The following MTO1 variants were observed in gnomAD, a reference collection of about 807,000 sequenced individuals.
MTO1 encodes the protein mitochondrial tRNA translation optimization 1, also known as 5-taurinomethyluridine-[tRNA] synthase subunit MTO1, mitochondrial.
A neutral mutation model predicts 71.6 loss-of-function variants in MTO1; 46 were observed. The ratio of observed to expected loss-of-function variants is 0.64; its 90% CI spans 0.51 to 0.82. The LOEUF is 0.82. Among genes scored for constraint, MTO1 ranks in the 40% least tolerant of loss-of-function variants. The pLI is 0.00. For missense variants in MTO1, 773 were observed against 867.5 expected, an observed-to-expected ratio of 0.89 and a Z score of 1.37; for synonymous variants, 297 against 312.1, an observed-to-expected ratio of 0.95 and a Z score of 0.51.
At chr6:73,483,791 T>C (rs1332762006) in intron 9 of MTO1, among the ~76,000 whole-genome samples, 1 of 149,426 alleles carries the variant, frequency 6.7e-6, no homozygotes, top group African/African-American at 2.5e-5. Context: ...GCTATTTTTT[T>C]TTTTTTTTTT....
chr6:73,497,865 G>A lies in MTO1; in HGVS notation c.1886G>A (p.Arg629Gln), dbSNP rs894440027. 3.7e-6 allele frequency: 6 copies of A among 1,612,686 alleles called. No homozygotes were observed. The highest frequency in any genetic ancestry group is 5.1e-6 in the Non-Finnish European group (6 of 1,179,084). The change falls in exon 11 of 12, where the codon CGA (arginine) becomes CAA (glutamine). Residue 629 changes from arginine to glutamine, a missense_variant. Transcript: ENST00000498286. ...IRDVSLSHEV[R>Q]EKLHFSRPQT... is the part of the protein sequence containing the mutation. Reference sequence around the variant, plus strand: ...GATGTGTCTTTGTCCCATGAAGTTCGAGAGAAACTACATTTTAGTCGTCCA... The same window carrying A: ...GATGTGTCTTTGTCCCATGAAGTTCAAGAGAAACTACATTTTAGTCGTCCA...
At chr6:73,467,567 C>G (rs918782619) in intron 3 of MTO1, among the ~76,000 whole-genome samples, 1 of 147,052 alleles carries the variant, frequency 6.8e-6, no homozygotes, top group Non-Finnish European at 1.5e-5. Flanking sequence ...GAGCCGAGAT[C>G]ACACCATTGC....
In MTO1 at chr6:73,466,586, G is replaced by A. The variant is rs764270113; in HGVS notation, c.515G>A (p.Arg172His). ...EPEPEHTGKC[R>H]VSGVVLVDGS... ...GAGCCTGAACACACTGGGAAATGCC[G>A]TGTCAGTGGGGTTGTTTTGGGTACG... The change falls in exon 3 of 12, where the codon CGT becomes CAT. Residue 172 changes from arginine to histidine, a missense_variant. By Grantham distance (29) the Arg-to-His change is conservative. Transcript: ENST00000498286. 2.8e-5 allele frequency: 45 copies of A among 1,613,872 alleles called. No homozygotes were observed. Among genetic ancestry groups the A allele is most frequent in the Middle Eastern group, 1.6e-4 (1 of 6,084 alleles).
chr6:73,494,227 C>T (rs1310341582), intron 10 of MTO1, among the ~76,000 whole-genome samples: 1 of 151,604 alleles, frequency 6.6e-6, no homozygotes, highest in Non-Finnish European at 1.5e-5. Context: ...AAGAGCGAGA[C>T]TTCATCTTAA....
intron 4 of MTO1, among the ~76,000 whole-genome samples, chr6:73,474,431 T>G (rs1771249147): frequency 1.3e-5 from 2 of 152,274 alleles, no homozygotes; most frequent in East Asian, 3.9e-4. Context: ...TAATTGGGTA[T>G]TTCCCCATAA....
At chr6:73,473,299 GATACATAGATACATAA>G (rs893691547) in intron 3 of MTO1, 50 bp from the exon 4 acceptor site, 143 of 1,401,388 alleles carry the variant, frequency 1.0e-4, no homozygotes, top group Non-Finnish European at 1.3e-4. Context: ...TAGATAGATA[GATACATAGATACATAA>G]ATACATAGAT....
chr6:73,479,948 C>T lies in MTO1; in HGVS notation c.951C>T (p.Ser317=), dbSNP rs777680736. The change falls in exon 6 of 12, where the codon TCC becomes TCT. Residue 317 remains serine (S), a synonymous_variant. Transcript: ENST00000498286. ...TGTTCTATTCTAGATACTGTCCCTC[C>T]ATTGAATCAAAAGTTTTGCGTTTTC... ...ETTRGPRYCP[S]IESKVLRFPN... is the part of the protein sequence containing the mutation. The T allele has an allele frequency of 1.9e-6, 3 of 1,612,206 alleles. No homozygotes were observed. The highest frequency in any genetic ancestry group is 1.7e-6 in the Non-Finnish European group (2 of 1,179,140).
intron 3 of MTO1, 50 bp from the exon 4 acceptor site, chr6:73,473,307 GATACATAA>G (rs779760531): frequency 7.3e-5 from 105 of 1,440,190 alleles, no homozygotes; most frequent in Non-Finnish European, 9.0e-5. Context: ...TAGATACATA[GATACATAA>G]ATACATAGAT....
Position 73,461,965 on chromosome 6 carries a change from C to G in MTO1, c.111C>G (p.Phe37Leu), listed in dbSNP as rs375783962. The G allele has an allele frequency of 9.9e-6, 16 of 1,614,128 alleles. No homozygotes were observed. Among genetic ancestry groups the G allele is most frequent in the African/African-American group, 1.3e-5 (1 of 74,942 alleles). Reference protein sequence around the residue: ...SDSAAPRTPHFDVIVIGGGHA... With the variant: ...SDSAAPRTPHLDVIVIGGGHA... ...GCGCGGCGCCCCGGACTCCGCACTT[C>G]GACGTGATAGTCATTGGTGGAGGAC... Residue 37 changes from phenylalanine to leucine, a missense_variant, in exon 1 of 12, where the codon TTC becomes TTG. Transcript: ENST00000498286.
intron 9 of MTO1, among the ~76,000 whole-genome samples, chr6:73,489,285 T>C (rs530826419): frequency 3.3e-4 from 49 of 150,392 alleles, no homozygotes; most frequent in Middle Eastern, 3.5e-3. Flanking sequence ...TTTCTTTTTT[T>C]TTTTTGTATA....
chr6:73,475,803 C>T (rs1771298292), intron 4 of MTO1, among the ~76,000 whole-genome samples: 3 of 152,060 alleles, frequency 2.0e-5, no homozygotes, highest in Admixed American at 2.0e-4. Context: ...TGAGCCATCG[C>T]ACCCAACTGG....
At position 73,492,283 on chromosome 6, in the gene MTO1, A is replaced by G. The variant is rs577810557; in HGVS notation, c.1687A>G (p.Lys563Glu). ...GGAAGTTGACATGGATTCATTAGCC[A>G]AGGCTGTTCCAGAGCCCTTGAAGAA... is the stretch of plus-strand genomic sequence containing the variant. Reference protein sequence around the residue: ...YEEVDMDSLAKAVPEPLKKYT... With the variant: ...YEEVDMDSLAEAVPEPLKKYT... The change falls in exon 10 of 12, where the codon AAG becomes GAG. Residue 563 changes from lysine (K) to glutamate (E), a missense_variant. By Grantham distance (56) the Lys-to-Glu change is moderately conservative (BLOSUM62 1). Coordinates refer to ENST00000498286, the MANE Select transcript of MTO1 (RefSeq NM_012123.4). 1.4e-5 allele frequency: 23 copies of G among 1,614,010 alleles called. 1 individual carries two copies. In the African/African-American group the frequency reaches 2.3e-4, roughly 16 times the overall value.
At chr6:73,491,808 T>G (rs1308242974) in intron 9 of MTO1, among the ~76,000 whole-genome samples, 1 of 152,202 alleles carries the variant, frequency 6.6e-6, no homozygotes, top group Non-Finnish European at 1.5e-5. Flanking sequence ...CTGCATTTGC[T>G]CACTATACTT....
At chr6:73,464,569 C>T (rs1010044545) in intron 1 of MTO1, among the ~76,000 whole-genome samples, 7 of 150,722 alleles carry the variant, frequency 4.6e-5, no homozygotes, top group Admixed American at 6.7e-5. Context: ...CACCTGATGT[C>T]GGAAGTTCGA....
intron 4 of MTO1, among the ~76,000 whole-genome samples, chr6:73,476,452 A>AAAG (rs36015363): frequency 0.2 from 30,277 of 151,194 alleles, 3,169 homozygotes; most frequent in African/African-American, 0.25. Flanking sequence ...AGAAAAACAA[A>AAAG]AAAAAGTAAG....
rs552260904 is a variant in MTO1, at chr6:73,468,462, C to T, written c.535+1856C>T. Among the ~76,000 whole-genome samples the T allele has an allele frequency of 2.0e-5, 3 of 151,618 alleles. No homozygotes were observed. The South Asian group carries it at 6.3e-4, about 32-fold the overall frequency. ...TAATTCTCTTTAATGTCCAATTTTCCTTCCCTCTCTCCTTCTGATATAATT... is the reference window on the plus strand; with the variant it reads ...TAATTCTCTTTAATGTCCAATTTTCTTTCCCTCTCTCCTTCTGATATAATT... On this transcript the variant is annotated intron_variant, in intron 3 of 11. Coordinates refer to ENST00000498286, the MANE Select transcript of MTO1 (RefSeq NM_012123.4).
In MTO1 at chr6:73,479,749, A is replaced by G. The variant is rs1035209282; in HGVS notation, c.843A>G (p.Pro281=). The change falls in exon 5 of 12, where the codon CCA becomes CCG. Residue 281 remains proline (P), a synonymous_variant. Transcript: ENST00000498286. ...TVWIKPEDQL[P]CYLTHTNPRV... is the part of the protein sequence containing the mutation. ...TTTTTTAGCCAGAAGATCAGCTGCC[A>G]TGTTACTTGACTCACACCAACCCTA... is the stretch of plus-strand genomic sequence containing the variant. The G allele has an allele frequency of 3.1e-6, 5 of 1,612,772 alleles. No homozygotes were observed. The highest frequency in any genetic ancestry group is 4.5e-5 in the East Asian group (2 of 44,830).
chr6:73,480,844 AT>A (rs772554295), intron 7 of MTO1, 39 bp downstream of exon 7: 2 of 1,600,642 alleles, frequency 1.2e-6, no homozygotes, highest in Non-Finnish European at 8.5e-7. Context: ...GAAAGGGACT[AT>A]TTAACTGGTA....
Position 73,504,495 on chromosome 6 carries a change from T to A in MTO1, c.*3760T>A, listed in dbSNP as rs1388169982. 6.6e-6 allele frequency: 1 copy of A among 152,156 alleles called. No individual in the cohort carries two copies. The highest frequency in any genetic ancestry group is 1.5e-5 in the Non-Finnish European group (1 of 68,024). The allele number at this position is 152,156 out of a possible 1,614,324, so 9.4% of individuals were successfully genotyped here. A position where few individuals can be genotyped will look rare whatever the true frequency, so the allele number is the denominator to read the frequency against. On this transcript the variant is annotated 3_prime_UTR_variant, in exon 12 of 12. Coordinates refer to ENST00000498286, the MANE Select transcript of MTO1 (RefSeq NM_012123.4). ...ATAAGCCTTGTAAATATAAGCAATA[T>A]CACAGTTGTAGATACTCGTGCTTTT...
Sources: gnomAD v4.1 joint callset for allele counts (sites outside exome capture counted in the v4.1 genomes callset) on GRCh38, gnomAD v4.1.1 for gene constraint, MANE v1.5 for transcripts, NCBI Gene and HGNC (gene_info 2026-07-23, HGNC 2026-07-21) for gene names.